The following HINT3 variants were observed in gnomAD, a reference collection of about 807,000 sequenced individuals.
The protein encoded by HINT3 is adenosine 5'-monophosphoramidase HINT3.
A neutral mutation model predicts 19.1 loss-of-function variants in HINT3; 16 were observed. The ratio of observed to expected loss-of-function variants is 0.84; its 90% CI spans 0.57 to 1.27. HINT3 has a LOEUF of 1.27. HINT3 is among the 50% of genes most tolerant of loss of function. The pLI, the probability that HINT3 is intolerant of heterozygous loss-of-function variation, is 0.00. For synonymous variants in HINT3, 75 were observed against 84.8 expected (o/e 0.88, Z 0.63); for missense variants, 197 against 225.8 (o/e 0.87, Z 0.82).
intron 1 of HINT3, among the ~76,000 whole-genome samples, chr6:125,959,993 TAAAG>T (rs1381145515): frequency 6.6e-6 from 1 of 151,920 alleles, no homozygotes; most frequent in African/African-American, 2.4e-5. Flanking sequence ...TGGCAGAAAA[TAAAG>T]AGGAAGGGGA....
Position 125,956,802 on chromosome 6 carries a change from C to T in HINT3, c.-176C>T. ...GGCAGCCGGTTTTGAGGCCGGCCTC[C>T]GGCTTTGAAGTTCCTCACCGCGTCT... On this transcript the variant is annotated 5_prime_UTR_variant, in exon 1 of 5. Coordinates refer to ENST00000229633, the MANE Select transcript of HINT3 (RefSeq NM_138571.5). 1.4e-6 allele frequency: 1 copy of T among 708,886 alleles called. No individual in the cohort carries two copies. The highest frequency in any genetic ancestry group is 1.9e-5 in the South Asian group (1 of 52,106). 43.9% of individuals were successfully genotyped at this position (708,886 alleles called of 1,614,324 possible).
chr6:125,966,560 G>GA lies in HINT3; in HGVS notation c.202-327_202-326insA, dbSNP rs377087588. On this transcript the variant is annotated intron_variant, in intron 1 of 4. Coordinates refer to ENST00000229633, the MANE Select transcript of HINT3 (RefSeq NM_138571.5). Reference sequence around the variant, plus strand: ...CCAAACCTTTAAAAATATGTGTCAAGGTAAAAAACTTTAGGGTAGGGATAG... The same window carrying GA: ...CCAAACCTTTAAAAATATGTGTCAAGAGTAAAAAACTTTAGGGTAGGGATAG... Among the ~76,000 whole-genome samples, 449 of 152,096 alleles carry GA rather than the reference G, an allele frequency of 3.0e-3. 3 individuals are homozygous for GA. Among genetic ancestry groups the GA allele is most frequent in the African/African-American group, 0.01 (422 of 41,470 alleles).
intron 2 of HINT3, among the ~76,000 whole-genome samples, chr6:125,970,234 A>G (rs1373910641): frequency 6.6e-6 from 1 of 152,212 alleles, no homozygotes; most frequent in South Asian, 2.1e-4. Flanking sequence ...TTGAAGTTCT[A>G]TCAGTACATT....
intron 1 of HINT3, among the ~76,000 whole-genome samples, chr6:125,962,049 T>A (rs1164322685): frequency 6.6e-6 from 1 of 151,080 alleles, no homozygotes; most frequent in East Asian, 1.9e-4. Flanking sequence ...AGATTCTTTT[T>A]CTGAGGCCTG....
Position 125,962,191 on chromosome 6 carries a change from T to TATATATATATATATATATATACAC in HINT3, c.202-4677_202-4676insTACACATATATATATATATATATA, listed in dbSNP as rs1562212029. Among the ~76,000 whole-genome samples, 57 of 35,716 alleles carry TATATATATATATATATATATACAC rather than the reference T, an allele frequency of 1.6e-3. 1 individual carries two copies. The highest frequency in any genetic ancestry group is 2.2e-3 in the Non-Finnish European group (48 of 21,584). The allele number at this position is 35,716 out of a possible 152,430, so 23.4% of individuals were successfully genotyped here. The stretch of plus-strand genomic sequence containing the variant: ...ATATATATATATATATATATACACA[T>TATATATATATATATATATATACAC]ATATATATATATATATATACACATA... On this transcript the variant is annotated intron_variant, in intron 1 of 4. Coordinates refer to ENST00000229633, the MANE Select transcript of HINT3 (RefSeq NM_138571.5).
At chr6:125,971,338 T>G (rs1789094051) in intron 2 of HINT3, among the ~76,000 whole-genome samples, 1 of 152,208 alleles carries the variant, frequency 6.6e-6, no homozygotes, top group Non-Finnish European at 1.5e-5. Context: ...CAATTTCTGT[T>G]TAATTACTTG....
intron 2 of HINT3, among the ~76,000 whole-genome samples, chr6:125,967,931 A>G (rs1320830876): frequency 6.6e-6 from 1 of 152,208 alleles, no homozygotes; most frequent in Non-Finnish European, 1.5e-5. Context: ...ATTTTCTAAG[A>G]CATTTCTAAG....
At chr6:125,960,671 A>AGCGGGG (rs1562211533) in intron 1 of HINT3, among the ~76,000 whole-genome samples, 7 of 92,472 alleles carry the variant, frequency 7.6e-5, no homozygotes, top group Non-Finnish European at 1.1e-4. Flanking sequence ...GGGGGAAAAA[A>AGCGGGG]AAAGAAGTTA....
At chr6:125,962,150 A>G (rs1788934419) in intron 1 of HINT3, among the ~76,000 whole-genome samples, 2 of 40,426 alleles carry the variant, frequency 4.9e-5, no homozygotes, top group African/African-American at 3.0e-4. Flanking sequence ...ATGGAAACCC[A>G]TATATATATA....
chr6:125,967,673 A>C (rs1789038592), intron 2 of HINT3, among the ~76,000 whole-genome samples: 1 of 152,172 alleles, frequency 6.6e-6, no homozygotes. Flanking sequence ...CTTGACTCTG[A>C]AATGAAAGGT....
rs1789204929 is a variant in HINT3 at position 125,978,289 on chromosome 6, T to G, written c.*613T>G. On this transcript the variant is annotated 3_prime_UTR_variant, in exon 5 of 5. Transcript: ENST00000229633. The stretch of plus-strand genomic sequence containing the variant: ...TCTATCCTGAAAGCTATATAATATA[T>G]ATAATTTATATCAATGAATTTACAA... 6.6e-6 allele frequency: 1 copy of G among 152,056 alleles called. No individual in the cohort carries two copies. The highest frequency in any genetic ancestry group is 1.5e-5 in the Non-Finnish European group (1 of 67,960). The allele number at this position is 152,056 out of a possible 1,614,324, so 9.4% of individuals were successfully genotyped here. A position where few individuals can be genotyped will look rare whatever the true frequency, so the allele number is the denominator to read the frequency against.
chr6:125,964,597 A>G (rs143067201), intron 1 of HINT3, among the ~76,000 whole-genome samples: 64 of 152,180 alleles, frequency 4.2e-4, no homozygotes, highest in Middle Eastern at 3.4e-3. Context: ...GATCTTCCTC[A>G]TTCCTTTTTA....
At chr6:125,974,822 A>G (rs775536519) in intron 3 of HINT3, 25 bp from the exon 4 acceptor site, 16 of 1,599,920 alleles carry the variant, frequency 1.0e-5, no homozygotes, top group Middle Eastern at 1.7e-4. Context: ...TGGTTTGTCA[A>G]TCATCTCTTT....
chr6:125,973,892 A>T (rs1443315550), intron 3 of HINT3, among the ~76,000 whole-genome samples: 4 of 152,204 alleles, frequency 2.6e-5, no homozygotes, highest in African/African-American at 9.6e-5. Flanking sequence ...TAAGATGAAA[A>T]GATTGAGTGA....
At chr6:125,959,495 G>A (rs1045795125) in intron 1 of HINT3, among the ~76,000 whole-genome samples, 2 of 152,232 alleles carry the variant, frequency 1.3e-5, no homozygotes, top group African/African-American at 4.8e-5. Flanking sequence ...TGCAGAGTCA[G>A]AGCAGGACTG....
chr6:125,964,024 C>T (rs1253489065), intron 1 of HINT3, among the ~76,000 whole-genome samples: 1 of 152,132 alleles, frequency 6.6e-6, no homozygotes, highest in East Asian at 1.9e-4. Flanking sequence ...AGCAGTTTGG[C>T]AGGCGTACTT....
intron 1 of HINT3, among the ~76,000 whole-genome samples, chr6:125,965,264 T>C (rs1789001270): frequency 6.6e-6 from 1 of 152,172 alleles, no homozygotes; most frequent in Non-Finnish European, 1.5e-5. Context: ...TCTAAAGAAG[T>C]GTCATTCCTG....
At chr6:125,963,716 T>C (rs1187947311) in intron 1 of HINT3, among the ~76,000 whole-genome samples, 1 of 152,188 alleles carries the variant, frequency 6.6e-6, no homozygotes, top group Non-Finnish European at 1.5e-5. Context: ...CATAAACATA[T>C]ATACATTGTA....
chr6:125,962,051 T>G (rs1788932983), intron 1 of HINT3, among the ~76,000 whole-genome samples: 1 of 151,108 alleles, frequency 6.6e-6, no homozygotes, highest in Admixed American at 6.6e-5. Flanking sequence ...ATTCTTTTTC[T>G]GAGGCCTGTC....
Sources: gnomAD v4.1 joint callset for allele counts (sites outside exome capture counted in the v4.1 genomes callset) on GRCh38, gnomAD v4.1.1 for gene constraint, MANE v1.5 for transcripts, NCBI Gene and HGNC (gene_info 2026-07-23, HGNC 2026-07-21) for gene names.